Variants in CCDC7 observed in about 807,000 individuals in gnomAD.
CCDC7 encodes coiled-coil domain-containing protein 7.
In CCDC7, 183 loss-of-function variants were observed where a neutral mutation model predicts 196.9. The ratio of observed to expected loss-of-function variants is 0.93; its 90% CI spans 0.82 to 1.05. The LOEUF (loss-of-function observed/expected upper bound fraction) is 1.05, where lower values mean the gene tolerates loss of function less well. CCDC7 is among the 50% of genes least tolerant of loss of function. The pLI, the probability that CCDC7 is intolerant of heterozygous loss-of-function variation, is 0.00. For missense variants in CCDC7, 1,540 were observed against 1,482.2 expected, an observed-to-expected ratio of 1.04 and a Z score of -0.64; for synonymous variants, 525 against 484.6, an observed-to-expected ratio of 1.08 and a Z score of -1.10.
chr10:32,510,631 T>C (rs1001372771), intron 9 of CCDC7, among the ~76,000 whole-genome samples: 3 of 152,214 alleles, frequency 2.0e-5, no homozygotes, highest in Non-Finnish European at 2.9e-5. Flanking sequence ...TTTGTTTTTA[T>C]ACAACATTTT....
intron 18 of CCDC7, among the ~76,000 whole-genome samples, chr10:32,611,271 TG>T (rs2062099251): frequency 6.6e-6 from 1 of 152,260 alleles, no homozygotes; most frequent in Admixed American, 6.5e-5. Flanking sequence ...TGGGGTTGTT[TG>T]TTTTTTTCTT....
At chr10:32,518,886 G>T (rs890290411) in intron 11 of CCDC7, among the ~76,000 whole-genome samples, 3 of 152,046 alleles carry the variant, frequency 2.0e-5, no homozygotes, top group Non-Finnish European at 4.4e-5. Context: ...GAAATGCAAG[G>T]ATAAAGGAAA....
At chr10:32,624,745 GGTGT>G (rs148255567) in intron 18 of CCDC7, among the ~76,000 whole-genome samples, 2 of 151,384 alleles carry the variant, frequency 1.3e-5, no homozygotes, top group Non-Finnish European at 1.5e-5. Flanking sequence ...GACAGCACTG[GGTGT>G]GTGTGTGTGT....
intron 20 of CCDC7, among the ~76,000 whole-genome samples, chr10:32,637,746 G>GT (rs1241165268): frequency 6.6e-6 from 1 of 152,140 alleles, no homozygotes; most frequent in Non-Finnish European, 1.5e-5. Context: ...CTTTAAAGTA[G>GT]TTTTTTCCAA....
intron 20 of CCDC7, among the ~76,000 whole-genome samples, chr10:32,659,102 T>C (rs2070663640): frequency 6.6e-6 from 1 of 152,168 alleles, no homozygotes; most frequent in Admixed American, 6.5e-5. Flanking sequence ...TCTTTGTTTT[T>C]AGTGTTCCAT....
chr10:32,728,192 A>C (rs1396689103), intron 26 of CCDC7, among the ~76,000 whole-genome samples: 4 of 152,126 alleles, frequency 2.6e-5, no homozygotes, highest in Non-Finnish European at 5.9e-5. Context: ...TTTCTCATTA[A>C]GTTTAAGAAG....
At chr10:32,499,043 CT>C (rs2043394705) in intron 9 of CCDC7, 1 of 143,922 alleles carries the variant, frequency 6.9e-6, no homozygotes, top group South Asian at 2.2e-4. Context: ...TAGATTTAGT[CT>C]TTTCACATAG....
In CCDC7 at chr10:32,472,478, C is replaced by T; in HGVS notation, c.678-3C>T. On this transcript the variant is annotated splice_region_variant and splice_polypyrimidine_tract_variant and intron_variant, in intron 6 of 41. Transcript: ENST00000639629. ...AAATATTTCATTTATCGAACTTTAA[C>T]AGGGATAAAGAAAATCGACCAGAAG... 6.4e-7 allele frequency: 1 copy of T among 1,573,846 alleles called. No homozygotes were observed. Among genetic ancestry groups the T allele is most frequent in the South Asian group, 1.2e-5 (1 of 81,086 alleles).
intron 33 of CCDC7, among the ~76,000 whole-genome samples, chr10:32,837,636 T>C (rs2092705292): frequency 6.6e-6 from 1 of 152,072 alleles, no homozygotes; most frequent in South Asian, 2.1e-4. Context: ...GTATGTTTAT[T>C]GCGGCACTAT....
intron 18 of CCDC7, among the ~76,000 whole-genome samples, chr10:32,605,643 C>A (rs1309044438): frequency 1.3e-5 from 2 of 152,162 alleles, no homozygotes; most frequent in Non-Finnish European, 2.9e-5. Context: ...TTTTGTCACA[C>A]CCTAGGGATT....
rs897445720 is a variant in CCDC7 at position 32,694,194 on chromosome 10, A to G, written c.2345-685A>G. On this transcript the variant is annotated intron_variant, in intron 23 of 41. Coordinates refer to ENST00000639629, the Ensembl canonical transcript of CCDC7. ...TTAACTCACCACCACTATGACAACC[A>G]TCATTCACTGATTAACCACAAATTG... is the stretch of plus-strand genomic sequence containing the variant. Among the ~76,000 whole-genome samples, 3 of 152,194 alleles carry G rather than the reference A, an allele frequency of 2.0e-5. No homozygotes were observed. In the East Asian group the frequency reaches 5.8e-4, roughly 29 times the overall value.
chr10:32,591,101 A>T (rs1381448210), intron 18 of CCDC7, among the ~76,000 whole-genome samples: 1 of 152,014 alleles, frequency 6.6e-6, no homozygotes, highest in East Asian at 1.9e-4. Flanking sequence ...CTCCTCTCTG[A>T]GGCCAGTAAC....
intron 33 of CCDC7, among the ~76,000 whole-genome samples, chr10:32,838,864 A>G (rs756891394): frequency 1.3e-5 from 2 of 152,032 alleles, no homozygotes; most frequent in African/African-American, 2.4e-5. Context: ...TCAGCCAAAA[A>G]TTTTGTATCC....
chr10:32,821,288 C>G (rs1161635726), intron 31 of CCDC7, among the ~76,000 whole-genome samples: 1 of 151,876 alleles, frequency 6.6e-6, no homozygotes, highest in Non-Finnish European at 1.5e-5. Flanking sequence ...GTTAGAATGG[C>G]GATCATTAAA....
intron 28 of CCDC7, among the ~76,000 whole-genome samples, chr10:32,778,767 G>A (rs977757904): frequency 6.6e-6 from 1 of 152,294 alleles, no homozygotes; most frequent in Admixed American, 6.5e-5. Flanking sequence ...ATTGCTTTGG[G>A]CAGTATGGCC....
At chr10:32,707,426 T>G (rs2079977119) in intron 24 of CCDC7, among the ~76,000 whole-genome samples, 1 of 152,148 alleles carries the variant, frequency 6.6e-6, no homozygotes, top group Non-Finnish European at 1.5e-5. Context: ...AGGGATGCCC[T>G]CTCTCACCAC....
At chr10:32,549,378 C>T (rs2053084479) in intron 13 of CCDC7, among the ~76,000 whole-genome samples, 1 of 152,120 alleles carries the variant, frequency 6.6e-6, no homozygotes, top group African/African-American at 2.4e-5. Context: ...GATTACTCTG[C>T]TGACTGTTCC....
chr10:32,456,312 A>C lies in CCDC7; in HGVS notation c.434A>C (p.Glu145Ala), dbSNP rs146377189. Reference sequence around the variant, plus strand: ...TCGCAATTTGCAGCTCAGCTAGAAGAAGCACTTAAAGAAGAACAAAATGTA... The same window carrying C: ...TCGCAATTTGCAGCTCAGCTAGAAGCAGCACTTAAAGAAGAACAAAATGTA... Residue 145 changes from glutamate to alanine, a missense_variant, in exon 3 of 42, where the codon GAA becomes GCA. Transcript: ENST00000639629. 8.4e-5 allele frequency: 132 copies of C among 1,573,144 alleles called. No individual in the cohort carries two copies. The African/African-American group carries it at 1.4e-3, about 16-fold the overall frequency.
chr10:32,846,632 C>G (rs1214712034), intron 37 of CCDC7, among the ~76,000 whole-genome samples, 173 bp downstream of exon 38: 1 of 152,110 alleles, frequency 6.6e-6, no homozygotes, highest in African/African-American at 2.4e-5. Flanking sequence ...GGAACATTAG[C>G]ATATTATTGG....
Sources: gnomAD v4.1 joint callset for allele counts (sites outside exome capture counted in the v4.1 genomes callset) on GRCh38, gnomAD v4.1.1 for gene constraint, MANE v1.5 for transcripts, NCBI Gene and HGNC (gene_info 2026-07-23, HGNC 2026-07-21) for gene names.